The following DNAH6 variants were observed in gnomAD, a reference collection of about 807,000 sequenced individuals.
The protein encoded by DNAH6 is axonemal beta dynein heavy chain 6.
A neutral mutation model predicts 491.4 loss-of-function variants in DNAH6; 340 were observed. The observed-to-expected ratio is 0.69, with a 90% CI of 0.63 to 0.76. The LOEUF (loss-of-function observed/expected upper bound fraction) is 0.76. Among genes scored for constraint, DNAH6 ranks in the 30% least tolerant of loss-of-function variants. DNAH6 has a pLI of 0.00. For missense variants in DNAH6, 4,443 were observed against 4,972.2 expected (o/e 0.89, Z 3.20); for synonymous variants, 1,603 against 1,686.1 (o/e 0.95, Z 1.21).
Position 84,624,383 on chromosome 2 carries a change from A to T in DNAH6, c.4190A>T (p.Gln1397Leu). 6.4e-7 allele frequency: 1 copy of T among 1,550,400 alleles called. No individual in the cohort carries two copies. Among genetic ancestry groups the T allele is most frequent in the Non-Finnish European group, 8.7e-7 (1 of 1,146,554 alleles). ...AGAGATATAGTCACTGAACTTGTTCAATCCAAGGTAACTGTTTCATTTAAG... is the reference window on the plus strand; with the variant it reads ...AGAGATATAGTCACTGAACTTGTTCTATCCAAGGTAACTGTTTCATTTAAG... ...HARDIVTELV[Q>L]SKVETVESFD... The change falls in exon 27 of 77, where the codon CAA becomes CTA. Residue 1397 changes from glutamine to leucine, a missense_variant. By Grantham distance (113) the Gln-to-Leu change is moderately radical. This residue lies in a region of DNAH6 where 2,977 missense variants were observed against 3,296.6 expected (regional missense o/e 0.90). Transcript: ENST00000389394.
chr2:84,811,809 C>T (rs1393027894), intron 72 of DNAH6, among the ~76,000 whole-genome samples: 1 of 150,248 alleles, frequency 6.7e-6, no homozygotes, highest in Non-Finnish European at 1.5e-5. Flanking sequence ...TGCAGTGAGC[C>T]GAGATCATCC....
At chr2:84,791,032 A>C (rs1223882581) in intron 68 of DNAH6, among the ~76,000 whole-genome samples, 1 of 152,046 alleles carries the variant, frequency 6.6e-6, no homozygotes, top group Non-Finnish European at 1.5e-5. Context: ...TCTACTAAAA[A>C]TACAAAAATT....
Position 84,709,407 on chromosome 2 carries a change from T to G in DNAH6, c.9113T>G (p.Leu3038Arg). Residue 3038 changes from leucine (L) to arginine (R), a missense_variant, in exon 55 of 77, where the codon CTC (leucine) becomes CGC (arginine). This residue lies in a region of DNAH6 where 1,463 missense variants were observed against 1,656.6 expected (regional missense o/e 0.88). Coordinates refer to ENST00000389394, the MANE Select transcript of DNAH6 (RefSeq NM_001370.2). ...ATCCCAATCGATCCTTCCTTCAGTC[T>G]CATTAACATTCTTGGAGATCCCTAC... The part of the protein sequence containing the change: ...LEIPIDPSFS[L>R]INILGDPYEI... 1 of 1,551,706 alleles carries G rather than the reference T, an allele frequency of 6.4e-7. No individual in the cohort carries two copies. The highest frequency in any genetic ancestry group is 8.7e-7 in the Non-Finnish European group (1 of 1,147,008).
chr2:84,605,438 G>T, intron 19 of DNAH6, 62 bp from the exon 20 acceptor site: 1 of 1,066,610 alleles, frequency 9.4e-7, no homozygotes, highest in South Asian at 1.4e-5. Flanking sequence ...CATTTCACGT[G>T]CATTTATTGA....
At chr2:84,730,140 A>C (rs1699005519) in intron 61 of DNAH6, among the ~76,000 whole-genome samples, 1 of 152,208 alleles carries the variant, frequency 6.6e-6, no homozygotes, top group Non-Finnish European at 1.5e-5. Flanking sequence ...GATAAAGAAA[A>C]TCCAGATAAG....
chr2:84,593,827 T>C, intron 16 of DNAH6, 145 bp from the exon 17 acceptor site: 1 of 403,198 alleles, frequency 2.5e-6, no homozygotes, highest in East Asian at 3.8e-5. Flanking sequence ...TTTCTTCATC[T>C]GTTTCTAGTG....
chr2:84,746,713 T>C (rs1358344435), intron 63 of DNAH6, among the ~76,000 whole-genome samples: 1 of 152,166 alleles, frequency 6.6e-6, no homozygotes, highest in African/African-American at 2.4e-5. Flanking sequence ...CTGCTTTGCA[T>C]TGCTATAAAG....
In DNAH6 at chr2:84,688,238, C is replaced by CAA. The variant is rs34421243; in HGVS notation, c.7138-185_7138-184dup. 8.2e-3 allele frequency among the ~76,000 whole-genome samples: 788 copies of CAA among 95,750 alleles called. 9 individuals are homozygous for CAA. The highest frequency in any genetic ancestry group is 0.02 in the African/African-American group (546 of 27,440). The allele number at this position is 95,750 out of a possible 152,430, so 62.8% of individuals were successfully genotyped here. A position where few individuals can be genotyped will look rare whatever the true frequency, so the allele number is the denominator to read the frequency against. On this transcript the variant is annotated intron_variant, in intron 44 of 76. Coordinates refer to ENST00000389394, the MANE Select transcript of DNAH6 (RefSeq NM_001370.2). ...TGGGCAACAGAGAGAGACTCCATCT[C>CAA]AAAAAAAAAAAAAAAAAGTGAAATC...
chr2:84,737,271 A>G (rs1388283196), intron 62 of DNAH6, among the ~76,000 whole-genome samples: 1 of 151,804 alleles, frequency 6.6e-6, no homozygotes, highest in Non-Finnish European at 1.5e-5. Flanking sequence ...TTCATCAGGG[A>G]TATTGGCCTT....
intron 64 of DNAH6, among the ~76,000 whole-genome samples, chr2:84,765,874 A>T (rs1334901983): frequency 6.6e-6 from 1 of 152,104 alleles, no homozygotes; most frequent in Non-Finnish European, 1.5e-5. Flanking sequence ...AGAAATTCAA[A>T]AGATATATGC....
At chr2:84,711,187 A>T (rs1296221966) in intron 56 of DNAH6, among the ~76,000 whole-genome samples, 2 of 152,238 alleles carry the variant, frequency 1.3e-5, no homozygotes, top group Non-Finnish European at 2.9e-5. Flanking sequence ...GGTCTGACTT[A>T]GATATGTGGA....
intron 76 of DNAH6, among the ~76,000 whole-genome samples, chr2:84,816,374 GA>G (rs1680487010): frequency 6.6e-6 from 1 of 152,088 alleles, no homozygotes; most frequent in African/African-American, 2.4e-5. Flanking sequence ...GAATAGACAC[GA>G]AAATCTCTTT....
intron 59 of DNAH6, 74 bp from the exon 60 acceptor site, chr2:84,722,551 C>T: frequency 1.6e-6 from 2 of 1,278,142 alleles, no homozygotes; most frequent in Non-Finnish European, 2.2e-6. Context: ...CTAGACCTAA[C>T]TGGATACATT....
chr2:84,518,315 ATACT>A (rs1049256373), intron 2 of DNAH6, among the ~76,000 whole-genome samples: 1 of 152,222 alleles, frequency 6.6e-6, no homozygotes, highest in African/African-American at 2.4e-5. Flanking sequence ...TACAATACAG[ATACT>A]TAACTATGTA....
At chr2:84,671,876 G>C (rs921291600) in intron 39 of DNAH6, among the ~76,000 whole-genome samples, 2 of 152,200 alleles carry the variant, frequency 1.3e-5, no homozygotes, top group African/African-American at 4.8e-5. Context: ...GATGTGATCA[G>C]GATGCTTTTG....
chr2:84,762,749 T>A lies in DNAH6; in HGVS notation c.10513-6T>A, dbSNP rs1674710819. The A allele has an allele frequency of 6.5e-7, 1 of 1,536,034 alleles. No individual in the cohort carries two copies. Among genetic ancestry groups the A allele is most frequent in the Non-Finnish European group, 8.8e-7 (1 of 1,139,930 alleles). On this transcript the variant is annotated splice_polypyrimidine_tract_variant and splice_region_variant and intron_variant, in intron 63 of 76. Transcript: ENST00000389394. The stretch of plus-strand genomic sequence containing the variant: ...AACATACTTTTTTTTTCTTTTCAAC[T>A]TTCAGGTGGTTTTTGCTCTTACAGA...
At chr2:84,636,131 T>A (rs1025163780) in intron 30 of DNAH6, among the ~76,000 whole-genome samples, 1 of 152,206 alleles carries the variant, frequency 6.6e-6, no homozygotes, top group Non-Finnish European at 1.5e-5. Flanking sequence ...CCAACCTCTC[T>A]GCTGCCAATT....
At chr2:84,811,133 C>T (rs1213907084) in intron 72 of DNAH6, among the ~76,000 whole-genome samples, 1 of 152,146 alleles carries the variant, frequency 6.6e-6, no homozygotes, top group Admixed American at 6.5e-5. Flanking sequence ...CTACCACTAC[C>T]TCTTGTGAAA....
At chr2:84,664,631 T>A (rs1441722940) in intron 37 of DNAH6, among the ~76,000 whole-genome samples, 4 of 152,060 alleles carry the variant, frequency 2.6e-5, no homozygotes, top group Non-Finnish European at 5.9e-5. Context: ...AGACTTAGAC[T>A]CCCACACAAT....
Sources: gnomAD v4.1 joint callset for allele counts (sites outside exome capture counted in the v4.1 genomes callset) on GRCh38, gnomAD v4.1.1 for gene constraint, gnomAD v4.1.1 regional missense constraint, MANE v1.5 for transcripts, NCBI Gene and HGNC (gene_info 2026-07-23, HGNC 2026-07-21) for gene names.